The following RASA1 variants were observed in gnomAD, a reference collection of about 807,000 sequenced individuals.
RASA1 encodes RAS p21 protein activator 1, also known as ras GTPase-activating protein 1.
Under a neutral mutation model 132.2 loss-of-function variants are expected in RASA1, and 25 were observed. The ratio of observed to expected loss-of-function variants is 0.19; its 90% CI spans 0.14 to 0.26. The LOEUF (loss-of-function observed/expected upper bound fraction) is 0.26. Among genes scored for constraint, RASA1 ranks in the 10% least tolerant of loss-of-function variants. The probability of loss-of-function intolerance (pLI) is 1.00; values close to 1 mark genes in which losing one functional copy is unlikely to be tolerated. For missense variants in RASA1, 964 were observed against 1,299.2 expected (o/e 0.74, Z 3.97); for synonymous variants, 477 against 449.9 (o/e 1.06, Z -0.76).
Position 87,268,109 on chromosome 5 carries a change from C to G in RASA1, c.-343C>G, listed in dbSNP as rs774681711. On this transcript the variant is annotated 5_prime_UTR_variant, in exon 1 of 25. Transcript: ENST00000274376. Reference sequence around the variant, plus strand: ...GAAGGAGCGGTAGCAGCCTCAGCCTCTTTCCCTGTGCTTCCTTTCCTCTTT... The same window carrying G: ...GAAGGAGCGGTAGCAGCCTCAGCCTGTTTCCCTGTGCTTCCTTTCCTCTTT... 3 of 421,540 alleles carry G rather than the reference C, an allele frequency of 7.1e-6. No homozygotes were observed. Among genetic ancestry groups the G allele is most frequent in the Non-Finnish European group, 1.3e-5 (3 of 239,254 alleles). The allele number at this position is 421,540 out of a possible 1,614,324, so 26.1% of individuals were successfully genotyped here.
intron 1 of RASA1, among the ~76,000 whole-genome samples, chr5:87,282,774 A>T (rs904285110): frequency 1.3e-5 from 2 of 151,990 alleles, no homozygotes; most frequent in African/African-American, 4.8e-5. Context: ...AATTCTATTG[A>T]TCTGTTGGTC....
chr5:87,298,826 A>G (rs2112280446), intron 1 of RASA1, among the ~76,000 whole-genome samples: 1 of 152,324 alleles, frequency 6.6e-6, no homozygotes, highest in South Asian at 2.1e-4. Flanking sequence ...AAAGAGAGCG[A>G]ATTACTAGCC....
At chr5:87,315,472 A>G (rs2112317230) in intron 1 of RASA1, among the ~76,000 whole-genome samples, 1 of 152,336 alleles carries the variant, frequency 6.6e-6, no homozygotes, top group Admixed American at 6.5e-5. Flanking sequence ...CCCTACCACC[A>G]AATACTGTCA....
At position 87,377,085 on chromosome 5, in the gene RASA1, A is replaced by AT. The variant is rs753349683; in HGVS notation, c.2344+49dup. The AT allele has an allele frequency of 1.9e-6, 3 of 1,562,966 alleles. No individual in the cohort carries two copies. The African/African-American group carries it at 4.1e-5, about 21-fold the overall frequency. The stretch of plus-strand genomic sequence containing the variant: ...GTGTGATACAAGAAACTGGGTTTAG[A>AT]TTTTATATCAAGGATATATGGACTC... On this transcript the variant is annotated intron_variant, in intron 17 of 24. Transcript: ENST00000274376.
chr5:87,317,213 T>G (rs531699139), intron 1 of RASA1, among the ~76,000 whole-genome samples: 1 of 152,180 alleles, frequency 6.6e-6, no homozygotes, highest in African/African-American at 2.4e-5. Context: ...ACTTCATCTG[T>G]ACTTTTATTA....
At chr5:87,373,461 C>T (rs1761097702) in intron 13 of RASA1, among the ~76,000 whole-genome samples, 1 of 151,964 alleles carries the variant, frequency 6.6e-6, no homozygotes, top group South Asian at 2.1e-4. Flanking sequence ...GGAATCAGTC[C>T]CCCACAGATA....
chr5:87,371,599 C>T (rs1406700031), intron 12 of RASA1, among the ~76,000 whole-genome samples: 1 of 151,938 alleles, frequency 6.6e-6, no homozygotes, highest in Non-Finnish European at 1.5e-5. Context: ...TTAAAAATAA[C>T]CCAAATCCCC....
intron 1 of RASA1, among the ~76,000 whole-genome samples, chr5:87,299,954 G>A (rs1402086668): frequency 6.6e-6 from 1 of 152,088 alleles, no homozygotes; most frequent in Non-Finnish European, 1.5e-5. Flanking sequence ...TTATGTAGAG[G>A]CAACAGTGCT....
intron 11 of RASA1, among the ~76,000 whole-genome samples, chr5:87,364,700 T>C (rs1047496070): frequency 6.6e-6 from 1 of 152,088 alleles, no homozygotes; most frequent in African/African-American, 2.4e-5. Context: ...TTCTTGTGGG[T>C]TGAATCCTTC....
intron 1 of RASA1, among the ~76,000 whole-genome samples, chr5:87,301,199 A>C (rs1269599198): frequency 6.6e-6 from 1 of 152,080 alleles, no homozygotes; most frequent in Non-Finnish European, 1.5e-5. Context: ...TTGACTGTCT[A>C]ATGTTTTATT....
intron 1 of RASA1, among the ~76,000 whole-genome samples, chr5:87,281,906 T>C (rs1463511452): frequency 2.0e-5 from 3 of 152,108 alleles, no homozygotes. Context: ...AGTTGAGTTT[T>C]TTTGTTTTCG....
chr5:87,323,806 C>T (rs1007010228), intron 1 of RASA1, among the ~76,000 whole-genome samples: 3 of 151,868 alleles, frequency 2.0e-5, no homozygotes, highest in Admixed American at 2.0e-4. Context: ...AGTCAGTTGC[C>T]ATTCATCTTT....
chr5:87,334,679 C>T (rs1178375312), intron 4 of RASA1, among the ~76,000 whole-genome samples: 2 of 152,178 alleles, frequency 1.3e-5, no homozygotes, highest in Admixed American at 6.5e-5. Context: ...GTACTGTATT[C>T]TTCACTGTTA....
At chr5:87,314,895 A>G (rs1347419716) in intron 1 of RASA1, among the ~76,000 whole-genome samples, 1 of 152,224 alleles carries the variant, frequency 6.6e-6, no homozygotes, top group Non-Finnish European at 1.5e-5. Context: ...CTGGATGAGT[A>G]TGACAGATAT....
rs537541259 is a variant in RASA1, at chr5:87,303,984, C to T, written c.540-27364C>T. 1.7e-4 allele frequency among the ~76,000 whole-genome samples: 26 copies of T among 151,070 alleles called. No homozygotes were observed. The East Asian group carries it at 4.9e-3, about 28-fold the overall frequency. ...AAGTAGCTGGGACCACAGGCGCCCA[C>T]CACTACACCTGGCTAATTTTGGTAT... is the stretch of plus-strand genomic sequence containing the variant. On this transcript the variant is annotated intron_variant, in intron 1 of 24. Transcript: ENST00000274376.
At chr5:87,377,111 T>A in intron 17 of RASA1, 71 bp downstream of exon 17, 1 of 1,490,232 alleles carries the variant, frequency 6.7e-7, no homozygotes, top group South Asian at 1.1e-5. Flanking sequence ...ATATGGACTC[T>A]ATCTCTGAAT....
chr5:87,299,259 T>C (rs953323679), intron 1 of RASA1, among the ~76,000 whole-genome samples: 1 of 152,176 alleles, frequency 6.6e-6, no homozygotes, highest in Non-Finnish European at 1.5e-5. Context: ...TAGCAAGTAG[T>C]TAAGTTTCTA....
At chr5:87,335,328 T>C (rs576319948) in intron 4 of RASA1, among the ~76,000 whole-genome samples, 1 of 152,156 alleles carries the variant, frequency 6.6e-6, no homozygotes, top group South Asian at 2.1e-4. Flanking sequence ...AAAATTTGAA[T>C]TTTAGACATT....
intron 5 of RASA1, 76 bp downstream of exon 5, chr5:87,338,167 A>G: frequency 6.3e-7 from 1 of 1,592,346 alleles, no homozygotes; most frequent in Non-Finnish European, 8.6e-7. Flanking sequence ...TAATCAGAGA[A>G]AGTAGCTATG....
Sources: allele counts gnomAD v4.1 joint callset (sites outside exome capture counted in the v4.1 genomes callset), GRCh38; gene constraint gnomAD v4.1.1; transcripts MANE v1.5; gene names NCBI Gene and HGNC (gene_info 2026-07-23, HGNC 2026-07-21).